The following AKR1A1 variants were observed in gnomAD, a reference collection of about 807,000 sequenced individuals.
AKR1A1 encodes HEL-S-165mP.
In AKR1A1, 26 loss-of-function variants were observed where a neutral mutation model predicts 39.2. The ratio of observed to expected loss-of-function variants is 0.66; its 90% confidence interval spans 0.49 to 0.92. The LOEUF is 0.92. Ranked by LOEUF, AKR1A1 falls within the 40% of genes least tolerant of loss-of-function variation. The pLI, the probability that AKR1A1 is intolerant of heterozygous loss-of-function variation, is 0.00. For synonymous variants in AKR1A1, 141 were observed against 155.5 expected, an observed-to-expected ratio of 0.91 and a Z score of 0.69; for missense variants, 378 against 406.5, an observed-to-expected ratio of 0.93 and a Z score of 0.60.
chr1:45,569,896 T>G lies in AKR1A1; in HGVS notation c.918T>G (p.Asp306Glu). 1 of 1,613,946 alleles carries G rather than the reference T, an allele frequency of 6.2e-7. No individual in the cohort carries two copies. The highest frequency in any genetic ancestry group is 8.5e-7 in the Non-Finnish European group (1 of 1,179,824). ...WRYIVPMLTV[D>E]GKRVPRDAGH... ...CTATCTGTCTCTCTTTCCAGGTGGA[T>G]GGGAAGAGAGTCCCAAGGGATGCAG... is the stretch of plus-strand genomic sequence containing the variant. The change falls in exon 9 of 9, where the codon GAT becomes GAG. Residue 306 changes from aspartate (D) to glutamate (E), a missense_variant. Coordinates refer to ENST00000351829, the MANE Select transcript of AKR1A1 (RefSeq NM_153326.3).
Position 45,566,927 on chromosome 1 carries a change from C to A in AKR1A1, c.263C>A (p.Pro88His), listed in dbSNP as rs769817993. 6.2e-7 allele frequency: 1 copy of A among 1,614,174 alleles called. No homozygotes were observed. Among genetic ancestry groups the A allele is most frequent in the South Asian group, 1.1e-5 (1 of 91,086 alleles). Residue 88 changes from proline to histidine, a missense_variant, in exon 4 of 9, where the codon CCC becomes CAC. By Grantham distance (77) the Pro-to-His change is moderately conservative. Coordinates refer to ENST00000351829, the MANE Select transcript of AKR1A1 (RefSeq NM_153326.3). ...TSKLWNTKHH[P>H]EDVEPALRKT... ...AAGCTGTGGAACACCAAGCACCACC[C>A]CGAGGATGTGGAGCCTGCCCTCCGG...
intron 1 of AKR1A1, among the ~76,000 whole-genome samples, chr1:45,553,276 G>T (rs904330304): frequency 1.3e-5 from 2 of 151,734 alleles, no homozygotes; most frequent in African/African-American, 4.8e-5. Context: ...ACAAAAATTA[G>T]CTGGGTGTGG....
chr1:45,560,141 C>G (rs574708794), intron 1 of AKR1A1, among the ~76,000 whole-genome samples: 2 of 152,078 alleles, frequency 1.3e-5, no homozygotes, highest in African/African-American at 4.8e-5. Flanking sequence ...CATGCCACCA[C>G]GCCTAGCTAA....
intron 2 of AKR1A1, among the ~76,000 whole-genome samples, chr1:45,565,503 A>T (rs1644329868): frequency 6.7e-6 from 1 of 148,946 alleles, no homozygotes; most frequent in African/African-American, 2.5e-5. Flanking sequence ...ACGGAGTCTC[A>T]CTCTGTCTCG....
chr1:45,559,107 T>C (rs1256362898), intron 1 of AKR1A1, among the ~76,000 whole-genome samples: 3 of 152,350 alleles, frequency 2.0e-5, no homozygotes, highest in Non-Finnish European at 4.4e-5. Flanking sequence ...GTTACCCTTT[T>C]CTTGCCACCC....
chr1:45,564,963 C>G (rs1042742839), intron 2 of AKR1A1, among the ~76,000 whole-genome samples: 1 of 150,572 alleles, frequency 6.6e-6, no homozygotes. Context: ...GCTGGGACTA[C>G]AGGCACCCCC....
At chr1:45,565,166 T>C (rs1192014158) in intron 2 of AKR1A1, among the ~76,000 whole-genome samples, 2 of 139,542 alleles carry the variant, frequency 1.4e-5, no homozygotes, top group Non-Finnish European at 3.1e-5. Flanking sequence ...GTTTCACTCT[T>C]GTTGCCCAGG....
chr1:45,557,912 C>T lies in AKR1A1; in HGVS notation c.-6-3877C>T, dbSNP rs866390011. On this transcript the variant is annotated intron_variant, in intron 1 of 8. Transcript: ENST00000351829. ...TGTACTGGCTTTACTCACAACTTGTCTTTTTTTTTTTTTTTGAGATGGAGC... is the reference window on the plus strand; with the variant it reads ...TGTACTGGCTTTACTCACAACTTGTTTTTTTTTTTTTTTTTGAGATGGAGC... Among the ~76,000 whole-genome samples the T allele has an allele frequency of 1.7e-3, 188 of 112,178 alleles. 2 individuals are homozygous for T. Among genetic ancestry groups the T allele is most frequent in the African/African-American group, 2.3e-3 (65 of 28,262 alleles). The allele number at this position is 112,178 out of a possible 152,430, so 73.6% of individuals were successfully genotyped here.
chr1:45,563,447 G>C, intron 2 of AKR1A1, among the ~76,000 whole-genome samples: 1 of 151,820 alleles, frequency 6.6e-6, no homozygotes, highest in East Asian at 1.9e-4. Context: ...AGATTCTATT[G>C]GACAAGTTAC....
intron 8 of AKR1A1, 98 bp from the exon 9 acceptor site, chr1:45,569,793 C>CCA: frequency 9.6e-7 from 1 of 1,044,702 alleles, no homozygotes; most frequent in South Asian, 1.3e-5. Flanking sequence ...TAGTGCTGTA[C>CCA]ACAGGTGAGT....
intron 1 of AKR1A1, among the ~76,000 whole-genome samples, chr1:45,552,042 AG>A (rs1057020579): frequency 6.6e-6 from 1 of 152,028 alleles, no homozygotes; most frequent in Admixed American, 6.6e-5. Context: ...TCTAGGAGTG[AG>A]GGGTTCAGGC....
At position 45,561,867 on chromosome 1, in the gene AKR1A1, G is replaced by A; in HGVS notation, c.73G>A (p.Glu25Lys). 2 of 1,614,126 alleles carry A rather than the reference G, an allele frequency of 1.2e-6. No individual in the cohort carries two copies. The highest frequency in any genetic ancestry group is 1.7e-6 in the Non-Finnish European group (2 of 1,179,980). ...GATTGGTCTGGGTACCTGGAAGAGT[G>A]AGCCTGGTCAGGTGAGGGATGGGGG... ...PLIGLGTWKSEPGQVKAAVKY... is the reference protein window; with the variant it reads ...PLIGLGTWKSKPGQVKAAVKY... Residue 25 changes from glutamate (E) to lysine (K), a missense_variant, in exon 2 of 9, where the codon GAG (glutamate) becomes AAG (lysine). Coordinates refer to ENST00000351829, the MANE Select transcript of AKR1A1 (RefSeq NM_153326.3).
At chr1:45,567,054 G>C in intron 4 of AKR1A1, 34 bp downstream of exon 4, 1 of 1,608,136 alleles carries the variant, frequency 6.2e-7, no homozygotes, top group South Asian at 1.1e-5. Context: ...TGGGGAATCA[G>C]GGGGTTGAGC....
chr1:45,563,050 A>G (rs1644297976), intron 2 of AKR1A1, among the ~76,000 whole-genome samples: 2 of 151,276 alleles, frequency 1.3e-5, no homozygotes, highest in African/African-American at 4.9e-5. Flanking sequence ...TCGAGGCTGC[A>G]GTGACCTATG....
At chr1:45,562,864 AAT>A (rs1644295935) in intron 2 of AKR1A1, among the ~76,000 whole-genome samples, 1 of 152,092 alleles carries the variant, frequency 6.6e-6, no homozygotes. Flanking sequence ...TCATACCTGT[AAT>A]CCCAGCACTT....
At chr1:45,563,103 TAAAA>T (rs1160484371) in intron 2 of AKR1A1, among the ~76,000 whole-genome samples, 1 of 138,600 alleles carries the variant, frequency 7.2e-6, no homozygotes, top group African/African-American at 2.7e-5. Context: ...GAGACCATCT[TAAAA>T]AAAAAAAAGG....
chr1:45,566,982 TCTGGAC>T lies in AKR1A1; in HGVS notation c.322_327del (p.Asp108_Leu109del). 6.2e-7 allele frequency: 1 copy of T among 1,614,240 alleles called. No homozygotes were observed. Among genetic ancestry groups the T allele is most frequent in the Non-Finnish European group, 8.5e-7 (1 of 1,180,050 alleles). On this transcript the variant is annotated inframe_deletion, in exon 4 of 9. Coordinates refer to ENST00000351829, the MANE Select transcript of AKR1A1 (RefSeq NM_153326.3). ...CTCTGGCTGACCTCCAGCTGGAGTA[TCTGGAC>T]CTGTACCTGATGCACTGGCCTTATG...
chr1:45,558,042 T>C (rs1644229120), intron 1 of AKR1A1, among the ~76,000 whole-genome samples: 1 of 149,918 alleles, frequency 6.7e-6, no homozygotes, highest in Non-Finnish European at 1.5e-5. Context: ...CCCGAGTAGC[T>C]GGGATTAAGG....
intron 1 of AKR1A1, among the ~76,000 whole-genome samples, chr1:45,560,482 G>A (rs1644263349): frequency 6.6e-6 from 1 of 152,146 alleles, no homozygotes; most frequent in African/African-American, 2.4e-5. Context: ...TGCTGGCACA[G>A]GCCTGTAGTC....
Sources: gnomAD v4.1 joint callset for allele counts (sites outside exome capture counted in the v4.1 genomes callset) on GRCh38, gnomAD v4.1.1 for gene constraint, MANE v1.5 for transcripts, NCBI Gene and HGNC (gene_info 2026-07-23, HGNC 2026-07-21) for gene names.